Variants in LDLRAD3 observed in about 807,000 individuals in gnomAD.
LDLRAD3 encodes the protein low-density lipoprotein receptor class A domain-containing protein 3.
LDLRAD3 carries 20 observed loss-of-function variants against 29.4 expected under a neutral mutation model. That is an observed-to-expected ratio of 0.68 (90% CI 0.48 to 0.99). LDLRAD3 has a LOEUF of 0.99. Among genes scored for constraint, LDLRAD3 ranks in the 50% least tolerant of loss-of-function variants. The pLI is 0.00. For synonymous variants in LDLRAD3, 157 were observed against 192.7 expected, an observed-to-expected ratio of 0.81 and a Z score of 1.53; for missense variants, 420 against 454.3, an observed-to-expected ratio of 0.92 and a Z score of 0.69.
At chr11:35,954,056 C>T (rs1463957916) in intron 1 of LDLRAD3, among the ~76,000 whole-genome samples, 1 of 152,028 alleles carries the variant, frequency 6.6e-6, no homozygotes, top group African/African-American at 2.4e-5. Context: ...TACAGTGTAA[C>T]AATAAACATC....
At chr11:36,065,207 C>T (rs1487915946) in intron 2 of LDLRAD3, among the ~76,000 whole-genome samples, 3 of 152,136 alleles carry the variant, frequency 2.0e-5, no homozygotes, top group Admixed American at 6.5e-5. Context: ...TTTTTAAGTA[C>T]ATGTAATTAT....
chr11:35,950,568 T>A lies in LDLRAD3; in HGVS notation c.46+6424T>A, dbSNP rs140082237. Among the ~76,000 whole-genome samples the A allele has an allele frequency of 2.4e-3, 363 of 152,270 alleles. 6 individuals are homozygous for A. Among genetic ancestry groups the A allele is most frequent in the South Asian group, 0.022 (104 of 4,816 alleles). The stretch of plus-strand genomic sequence containing the variant: ...GTATACCCTGGTTATATATATATAC[T>A]GTATATGTAAAACCTTTCTTACCTT... On this transcript the variant is annotated intron_variant, in intron 1 of 5. Transcript: ENST00000315571.
rs114918032 is a variant in LDLRAD3, at chr11:35,968,359, C to T, written c.46+24215C>T. On this transcript the variant is annotated intron_variant, in intron 1 of 5. Transcript: ENST00000315571. Reference sequence around the variant, plus strand: ...GTTGGAGAAATAACGTCTGGCTCAGCGGGCTTTTGGGAGTAGAGGGGCTGG... The same window carrying T: ...GTTGGAGAAATAACGTCTGGCTCAGTGGGCTTTTGGGAGTAGAGGGGCTGG... The T allele has an allele frequency of 1.7e-3, 630 of 361,338 alleles. 4 individuals are homozygous for T. The highest frequency in any genetic ancestry group is 0.012 in the African/African-American group (572 of 47,064). The allele number at this position is 361,338 out of a possible 1,614,324, so 22.4% of individuals were successfully genotyped here. A position where few individuals can be genotyped will look rare whatever the true frequency, so the allele number is the denominator to read the frequency against.
intron 4 of LDLRAD3, among the ~76,000 whole-genome samples, chr11:36,214,910 G>A (rs1855331240): frequency 1.3e-5 from 2 of 152,242 alleles, no homozygotes; most frequent in African/African-American, 4.8e-5. Context: ...TGGGGATTCA[G>A]GGATGAGCAA....
intron 2 of LDLRAD3, among the ~76,000 whole-genome samples, chr11:36,044,997 C>T (rs960338949): frequency 6.6e-6 from 1 of 152,234 alleles, no homozygotes; most frequent in Non-Finnish European, 1.5e-5. Context: ...CCACACTGGC[C>T]TGAAGTCAGC....
At chr11:35,949,950 A>G (rs1283850902) in intron 1 of LDLRAD3, among the ~76,000 whole-genome samples, 1 of 152,190 alleles carries the variant, frequency 6.6e-6, no homozygotes, top group East Asian at 1.9e-4. Context: ...TGAGTGTGCA[A>G]ATGTCATTTT....
chr11:36,212,285 C>T (rs1855292984), intron 4 of LDLRAD3, among the ~76,000 whole-genome samples: 1 of 152,172 alleles, frequency 6.6e-6, no homozygotes, highest in South Asian at 2.1e-4. Flanking sequence ...TACCAAGTCC[C>T]ACCCCCTTCC....
At chr11:36,116,359 C>A (rs1266075060) in intron 4 of LDLRAD3, among the ~76,000 whole-genome samples, 2 of 151,898 alleles carry the variant, frequency 1.3e-5, no homozygotes, top group African/African-American at 4.8e-5. Flanking sequence ...TGCTTCCTGG[C>A]CTAACAAAAA....
At chr11:36,090,013 A>G (rs1250142740) in intron 3 of LDLRAD3, among the ~76,000 whole-genome samples, 4 of 152,122 alleles carry the variant, frequency 2.6e-5, no homozygotes, top group Admixed American at 6.5e-5. Context: ...TGACAGAGAC[A>G]TTATTTTTGT....
intron 4 of LDLRAD3, among the ~76,000 whole-genome samples, chr11:36,156,767 T>C (rs1220246441): frequency 6.6e-6 from 1 of 152,190 alleles, no homozygotes; most frequent in African/African-American, 2.4e-5. Flanking sequence ...CAGCATGATA[T>C]GGTTTCAGAG....
At chr11:36,142,672 G>A (rs1317414818) in intron 4 of LDLRAD3, among the ~76,000 whole-genome samples, 1 of 152,148 alleles carries the variant, frequency 6.6e-6, no homozygotes, top group Non-Finnish European at 1.5e-5. Flanking sequence ...TGCAGCCGGT[G>A]AAGTGAGACT....
intron 2 of LDLRAD3, among the ~76,000 whole-genome samples, chr11:36,068,814 C>T (rs1207862833): frequency 2.0e-5 from 3 of 152,172 alleles, no homozygotes; most frequent in Non-Finnish European, 4.4e-5. Flanking sequence ...CCGCGCCCAG[C>T]CCAGAAACCT....
intron 3 of LDLRAD3, among the ~76,000 whole-genome samples, chr11:36,086,506 G>T (rs1853198316): frequency 6.6e-6 from 1 of 152,150 alleles, no homozygotes. Flanking sequence ...ATGCTATTTG[G>T]ATGTATCCTG....
intron 4 of LDLRAD3, among the ~76,000 whole-genome samples, chr11:36,208,851 G>C (rs889016103): frequency 6.6e-6 from 1 of 152,144 alleles, no homozygotes; most frequent in Non-Finnish European, 1.5e-5. Flanking sequence ...AAAATTAGTG[G>C]GTGAAAGTTT....
chr11:36,151,253 C>T (rs1233808354), intron 4 of LDLRAD3, among the ~76,000 whole-genome samples: 2 of 152,084 alleles, frequency 1.3e-5, no homozygotes, highest in African/African-American at 4.8e-5. Context: ...ACATTAGAGA[C>T]AGTCATAATA....
At chr11:36,219,341 A>G (rs761203432) in intron 4 of LDLRAD3, among the ~76,000 whole-genome samples, 43 of 152,220 alleles carry the variant, frequency 2.8e-4, no homozygotes, top group Non-Finnish European at 5.4e-4. Flanking sequence ...TTTTATAATC[A>G]GAAATAAAGT....
At chr11:36,075,713 A>G (rs1032910776) in intron 2 of LDLRAD3, among the ~76,000 whole-genome samples, 7 of 152,196 alleles carry the variant, frequency 4.6e-5, no homozygotes, top group East Asian at 1.9e-4. Context: ...GAAGTCTTCA[A>G]TAAGGAAGAA....
chr11:36,067,979 G>A (rs1170629703), intron 2 of LDLRAD3, among the ~76,000 whole-genome samples: 5 of 152,104 alleles, frequency 3.3e-5, no homozygotes, highest in Non-Finnish European at 2.9e-5. Flanking sequence ...ATAATTAACT[G>A]TTGAAAGGCA....
intron 3 of LDLRAD3, among the ~76,000 whole-genome samples, chr11:36,096,228 G>A (rs890538906): frequency 4.6e-5 from 7 of 152,172 alleles, no homozygotes; most frequent in African/African-American, 1.7e-4. Context: ...CAGTTCCTCA[G>A]CTTTAGATAG....
Sources: gnomAD v4.1 joint callset for allele counts (sites outside exome capture counted in the v4.1 genomes callset) on GRCh38, gnomAD v4.1.1 for gene constraint, MANE v1.5 for transcripts, NCBI Gene and HGNC (gene_info 2026-07-23, HGNC 2026-07-21) for gene names.